CORIN: variants seen among roughly 807,000 people sequenced by gnomAD.
The protein encoded by CORIN is corin, serine peptidase.
Under a neutral mutation model 125.3 loss-of-function variants are expected in CORIN, and 117 were observed. The ratio of observed to expected loss-of-function variants is 0.93; its 90% CI spans 0.80 to 1.09. CORIN has a LOEUF of 1.09. Among genes scored for constraint, CORIN ranks in the 50% least tolerant of loss-of-function variants. The probability of loss-of-function intolerance (pLI) is 0.00; values close to 1 mark genes in which losing one functional copy is unlikely to be tolerated. For missense variants in CORIN, 1,253 were observed against 1,306.7 expected, an observed-to-expected ratio of 0.96 and a Z score of 0.63; for synonymous variants, 450 against 466.4, an observed-to-expected ratio of 0.96 and a Z score of 0.45.
chr4:47,599,569 G>T (rs1721371813), intron 21 of CORIN, among the ~76,000 whole-genome samples: 1 of 152,068 alleles, frequency 6.6e-6, no homozygotes, highest in Non-Finnish European at 1.5e-5. Flanking sequence ...TATAATGTTC[G>T]ATGTGTGTCT....
At chr4:47,735,146 G>A (rs531278035) in intron 5 of CORIN, among the ~76,000 whole-genome samples, 1 of 152,200 alleles carries the variant, frequency 6.6e-6, no homozygotes, top group South Asian at 2.1e-4. Flanking sequence ...TTGCTGGTTG[G>A]CATACAATAT....
chr4:47,662,640 A>G (rs3792712), intron 11 of CORIN, among the ~76,000 whole-genome samples: 39,928 of 151,836 alleles, frequency 0.26, 5,524 homozygotes, highest in Admixed American at 0.36. Context: ...AAAAAAACTA[A>G]CCAAAGTAAG....
chr4:47,664,910 A>G (rs985917646), intron 11 of CORIN, 122 bp downstream of exon 11: 2 of 586,824 alleles, frequency 3.4e-6, no homozygotes, highest in Non-Finnish European at 6.0e-6. Context: ...TGTTAAATAT[A>G]AAGTATTTGA....
chr4:47,624,771 G>T (rs984657640), intron 17 of CORIN, among the ~76,000 whole-genome samples: 1 of 151,702 alleles, frequency 6.6e-6, no homozygotes, highest in Non-Finnish European at 1.5e-5. Context: ...TTCCAACCAT[G>T]AAACATTTAC....
rs563822836 is a variant in CORIN at position 47,724,728 on chromosome 4, T to C, written c.799+19674A>G. ...AAAACTACGTGATCATGCCAACTCATACAGAAAAAGCATTTGATAAAATTC... is the reference window on the plus strand; with the variant it reads ...AAAACTACGTGATCATGCCAACTCACACAGAAAAAGCATTTGATAAAATTC... On this transcript the variant is annotated intron_variant, in intron 5 of 21. Transcript: ENST00000273857. 9.8e-4 allele frequency among the ~76,000 whole-genome samples: 150 copies of C among 152,308 alleles called. 1 individual carries two copies. Among genetic ancestry groups the C allele is most frequent in the Middle Eastern group, 3.4e-3 (1 of 294 alleles).
chr4:47,819,767 CTTCTACCTCCAAA>C (rs763418813), intron 1 of CORIN, among the ~76,000 whole-genome samples: 2 of 152,190 alleles, frequency 1.3e-5, no homozygotes, highest in Admixed American at 6.5e-5. Flanking sequence ...TCCCACCAGC[CTTCTACCTCCAAA>C]TTCTACCTCC....
chr4:47,695,551 T>C (rs1166653988), intron 5 of CORIN, among the ~76,000 whole-genome samples: 1 of 152,232 alleles, frequency 6.6e-6, no homozygotes, highest in Non-Finnish European at 1.5e-5. Context: ...TGATTATTGA[T>C]ATCCCCTGTC....
At chr4:47,709,052 C>T (rs574875045) in intron 5 of CORIN, among the ~76,000 whole-genome samples, 47 of 152,266 alleles carry the variant, frequency 3.1e-4, no homozygotes, top group Non-Finnish European at 4.1e-4. Flanking sequence ...AATGGCCTGA[C>T]GAGGAGCTTA....
At chr4:47,733,723 A>G (rs1727992234) in intron 5 of CORIN, among the ~76,000 whole-genome samples, 2 of 152,288 alleles carry the variant, frequency 1.3e-5, no homozygotes, top group East Asian at 3.9e-4. Flanking sequence ...AAACACACAA[A>G]TGTTTATTTT....
intron 5 of CORIN, among the ~76,000 whole-genome samples, chr4:47,742,462 A>G (rs534211541): frequency 6.6e-6 from 1 of 152,128 alleles, no homozygotes; most frequent in Non-Finnish European, 1.5e-5. Context: ...ACAGAAAATA[A>G]AGGAAATGTT....
At position 47,655,890 on chromosome 4, in the gene CORIN, C is replaced by A. The variant is rs183619934; in HGVS notation, c.1736-2230G>T. On this transcript the variant is annotated intron_variant, in intron 12 of 21. Transcript: ENST00000273857. ...AGCCTGGTGCCCAGTGGTTTCACTG[C>A]TGAACTTTGCCAAATATTTAAAGAA... Among the ~76,000 whole-genome samples the A allele has an allele frequency of 1.0e-4, 15 of 149,706 alleles. No individual in the cohort carries two copies. In the East Asian group the frequency reaches 2.9e-3, roughly 29 times the overall value.
At chr4:47,706,582 C>A in intron 5 of CORIN, 3 of 1,605,828 alleles carry the variant, frequency 1.9e-6, no homozygotes, top group Admixed American at 1.7e-5. Flanking sequence ...CCGTGGTGGC[C>A]GAAAACGCCC....
chr4:47,604,259 C>A (rs1461402667), intron 19 of CORIN, among the ~76,000 whole-genome samples: 2 of 152,216 alleles, frequency 1.3e-5, no homozygotes, highest in African/African-American at 4.8e-5. Context: ...ATCTCATGGA[C>A]CTTTCCCTCT....
At chr4:47,828,622 A>T (rs2109985742) in intron 1 of CORIN, among the ~76,000 whole-genome samples, 1 of 152,262 alleles carries the variant, frequency 6.6e-6, no homozygotes, top group Admixed American at 6.5e-5. Flanking sequence ...CAAAATCCTT[A>T]ATTTAATTAC....
chr4:47,780,000 G>A (rs1457318581), intron 3 of CORIN, among the ~76,000 whole-genome samples: 2 of 152,062 alleles, frequency 1.3e-5, no homozygotes, highest in Non-Finnish European at 2.9e-5. Context: ...CACTGAGGGG[G>A]AAAAAGCTAG....
chr4:47,753,500 C>T (rs1729001677), intron 4 of CORIN, among the ~76,000 whole-genome samples: 1 of 152,090 alleles, frequency 6.6e-6, no homozygotes, highest in Admixed American at 6.6e-5. Flanking sequence ...GTCCTTATCT[C>T]AACCGCATCA....
At chr4:47,599,330 CT>C (rs1163357808) in intron 21 of CORIN, among the ~76,000 whole-genome samples, 1 of 152,166 alleles carries the variant, frequency 6.6e-6, no homozygotes, top group Non-Finnish European at 1.5e-5. Flanking sequence ...TTTCAATACC[CT>C]GATTTTTCCA....
chr4:47,740,097 CACT>C (rs1728318578), intron 5 of CORIN, among the ~76,000 whole-genome samples: 1 of 151,848 alleles, frequency 6.6e-6, no homozygotes, highest in Admixed American at 6.6e-5. Context: ...ATGAATTAAA[CACT>C]ACAATCAAAA....
At chr4:47,692,300 TA>T (rs1303379848) in intron 6 of CORIN, among the ~76,000 whole-genome samples, 1 of 152,224 alleles carries the variant, frequency 6.6e-6, no homozygotes. Context: ...TTTAACCTAC[TA>T]GGGGTGAACA....
Sources: allele counts gnomAD v4.1 joint callset (sites outside exome capture counted in the v4.1 genomes callset), GRCh38; gene constraint gnomAD v4.1.1; transcripts MANE v1.5; gene names NCBI Gene and HGNC (gene_info 2026-07-23, HGNC 2026-07-21).